Variants in CLTCL1 observed in about 807,000 individuals in gnomAD.
CLTCL1 encodes clathrin heavy chain like 1.
CLTCL1 carries 159 observed loss-of-function variants against 190.0 expected under a neutral mutation model. The observed-to-expected ratio is 0.84, with a 90% CI of 0.74 to 0.95. The LOEUF (loss-of-function observed/expected upper bound fraction) is 0.95. Ranked by LOEUF, CLTCL1 falls within the 40% of genes least tolerant of loss-of-function variation. The pLI is 0.00. For synonymous variants in CLTCL1, 752 were observed against 769.6 expected (o/e 0.98, Z 0.38); for missense variants, 1,878 against 2,033.4 (o/e 0.92, Z 1.47).
At position 19,223,902 on chromosome 22, in the gene CLTCL1, T is replaced by C; in HGVS notation, c.2281A>G (p.Asn761Asp). 2 of 1,613,672 alleles carry C rather than the reference T, an allele frequency of 1.2e-6. No homozygotes were observed. Among genetic ancestry groups the C allele is most frequent in the South Asian group, 2.2e-5 (2 of 91,054 alleles). The change falls in exon 14 of 33, where the codon AAC becomes GAC. Residue 761 changes from asparagine (N) to aspartate (D), a missense_variant. Asn to Asp is a conservative substitution (Grantham distance 23). Coordinates refer to ENST00000427926, the MANE Select transcript of CLTCL1 (RefSeq NM_007098.4). ...SSCYNPERVK[N>D]FLKEAKLTDQ... ...GCACTGGAACACACCTTCAGGAAGT[T>C]CTTCACACGCTCTGGGTTGTAGCAG...
intron 5 of CLTCL1, among the ~76,000 whole-genome samples, chr22:19,237,523 C>A (rs2086117818): frequency 6.6e-6 from 1 of 152,102 alleles, no homozygotes; most frequent in African/African-American, 2.4e-5. Flanking sequence ...TGAGAGTGTG[C>A]CCCTGACCCA....
chr22:19,223,775 A>C, intron 14 of CLTCL1, 116 bp downstream of exon 14: 1 of 1,195,052 alleles, frequency 8.4e-7, no homozygotes, highest in East Asian at 2.5e-5. Flanking sequence ...CCCTGGGACT[A>C]AGGGGTCCCT....
At chr22:19,199,942 G>GAA in intron 23 of CLTCL1, 101 bp from the exon 24 acceptor site, 1 of 683,778 alleles carries the variant, frequency 1.5e-6, no homozygotes, top group East Asian at 2.8e-5. Flanking sequence ...AATACCAGCA[G>GAA]TGGGGTATTT....
At chr22:19,203,814 G>A (rs565901288) in intron 22 of CLTCL1, among the ~76,000 whole-genome samples, 1 of 152,238 alleles carries the variant, frequency 6.6e-6, no homozygotes, top group African/African-American at 2.4e-5. Context: ...CTAGAGGTCC[G>A]ACTTGTCCGA....
chr22:19,226,641 T>C (rs1002313854), intron 11 of CLTCL1, among the ~76,000 whole-genome samples: 2 of 152,218 alleles, frequency 1.3e-5, no homozygotes, highest in South Asian at 2.1e-4. Context: ...GGTCACAGAG[T>C]TGGGCCTGTG....
Position 19,225,641 on chromosome 22 carries a change from C to G in CLTCL1, c.1948-8G>C. The G allele has an allele frequency of 6.4e-7, 1 of 1,565,412 alleles. No homozygotes were observed. Among genetic ancestry groups the G allele is most frequent in the Non-Finnish European group, 8.7e-7 (1 of 1,154,578 alleles). ...AAAGAAATTGACAAGCCACTGGGAA[C>G]AAGGAAGAGTCTGTCCACAACGATG... is the stretch of plus-strand genomic sequence containing the variant. On this transcript the variant is annotated splice_region_variant and splice_polypyrimidine_tract_variant and intron_variant, in intron 12 of 32. Transcript: ENST00000427926.
chr22:19,256,352 A>AT (rs2086752009), intron 2 of CLTCL1, among the ~76,000 whole-genome samples: 2 of 82,054 alleles, frequency 2.4e-5, no homozygotes, highest in African/African-American at 4.2e-5. Flanking sequence ...TTTTTCTTTT[A>AT]TCTTTTTTTT....
intron 22 of CLTCL1, 135 bp downstream of exon 22, chr22:19,208,019 C>A: frequency 9.9e-7 from 1 of 1,010,258 alleles, no homozygotes; most frequent in South Asian, 1.4e-5. Flanking sequence ...AAACCACCCC[C>A]GACCTGTCTG....
chr22:19,201,786 G>A (rs1231184072), intron 22 of CLTCL1, among the ~76,000 whole-genome samples: 8 of 152,072 alleles, frequency 5.3e-5, no homozygotes, highest in African/African-American at 1.9e-4. Context: ...CCTGGGCTGA[G>A]GAGGTGTGCT....
intron 18 of CLTCL1, 67 bp downstream of exon 18, chr22:19,219,818 C>T (rs1235638495): frequency 6.2e-7 from 1 of 1,600,734 alleles, no homozygotes; most frequent in Non-Finnish European, 8.6e-7. Context: ...AAACCAGTCA[C>T]TTGAGCCACA....
intron 1 of CLTCL1, among the ~76,000 whole-genome samples, chr22:19,280,605 G>A (rs554988256): frequency 5.3e-5 from 8 of 151,822 alleles, no homozygotes; most frequent in Non-Finnish European, 1.2e-4. Context: ...GGTCGCTTGA[G>A]GTCAGGAGAT....
chr22:19,259,079 G>T (rs2086858406), intron 2 of CLTCL1, among the ~76,000 whole-genome samples: 1 of 152,100 alleles, frequency 6.6e-6, no homozygotes, highest in Admixed American at 6.6e-5. Flanking sequence ...TTGTTTTATT[G>T]TGTCTTGCAG....
intron 2 of CLTCL1, chr22:19,258,254 C>A: frequency 2.9e-6 from 1 of 344,318 alleles, no homozygotes; most frequent in Non-Finnish European, 5.7e-6. Flanking sequence ...AGGACCTTGG[C>A]AAGATCATGG....
intron 13 of CLTCL1, among the ~76,000 whole-genome samples, chr22:19,225,246 T>C (rs1397224546): frequency 6.6e-6 from 1 of 152,200 alleles, no homozygotes; most frequent in Admixed American, 6.5e-5. Flanking sequence ...GATTTCTTCC[T>C]TTGGAAATAC....
At position 19,207,205 on chromosome 22, in the gene CLTCL1, C is replaced by T. The variant is rs544848200; in HGVS notation, c.3600+949G>A. ...ATAATTTTGTTATTTTTAGTAGAGA[C>T]GGGGTTTTGCCATGTTGACCAGGTT... On this transcript the variant is annotated intron_variant, in intron 22 of 32. Coordinates refer to ENST00000427926, the MANE Select transcript of CLTCL1 (RefSeq NM_007098.4). 3.3e-5 allele frequency among the ~76,000 whole-genome samples: 5 copies of T among 151,830 alleles called. No homozygotes were observed. The South Asian group carries it at 6.2e-4, about 19-fold the overall frequency.
At chr22:19,247,297 T>C (rs1370715894) in intron 3 of CLTCL1, among the ~76,000 whole-genome samples, 1 of 152,136 alleles carries the variant, frequency 6.6e-6, no homozygotes, top group Non-Finnish European at 1.5e-5. Context: ...CAAAAATCAA[T>C]TGGCCACAGA....
intron 22 of CLTCL1, among the ~76,000 whole-genome samples, chr22:19,205,932 T>G (rs1046062643): frequency 6.6e-6 from 1 of 151,486 alleles, no homozygotes; most frequent in Non-Finnish European, 1.5e-5. Flanking sequence ...AACCATTGTT[T>G]TTTTTTTTTT....
At chr22:19,275,025 G>A (rs1260394373) in intron 2 of CLTCL1, among the ~76,000 whole-genome samples, 3 of 152,022 alleles carry the variant, frequency 2.0e-5, no homozygotes, top group African/African-American at 7.2e-5. Context: ...CACTGCGCCC[G>A]GCCCAGTTTT....
chr22:19,237,416 C>T (rs1047877542), intron 5 of CLTCL1, among the ~76,000 whole-genome samples: 1 of 152,082 alleles, frequency 6.6e-6, no homozygotes, highest in Admixed American at 6.5e-5. Context: ...TTGATGGTAA[C>T]CAAGGGAAAG....
Sources: gnomAD v4.1 joint callset for allele counts (sites outside exome capture counted in the v4.1 genomes callset) on GRCh38, gnomAD v4.1.1 for gene constraint, MANE v1.5 for transcripts, NCBI Gene and HGNC (gene_info 2026-07-23, HGNC 2026-07-21) for gene names.